The following HLA-B variants were observed in gnomAD, a reference collection of about 807,000 sequenced individuals.
The protein encoded by HLA-B is major histocompatibility complex, class I, B.
In HLA-B, 31 loss-of-function variants were observed where a neutral mutation model predicts 41.5. The ratio of observed to expected loss-of-function variants is 0.75; its 90% CI spans 0.56 to 1.01. HLA-B has a LOEUF of 1.01. Among genes scored for constraint, HLA-B ranks in the 50% least tolerant of loss-of-function variants. The pLI is 0.00. For missense variants in HLA-B, 369 were observed against 457.2 expected, an observed-to-expected ratio of 0.81 and a Z score of 1.76; for synonymous variants, 138 against 189.0, an observed-to-expected ratio of 0.73 and a Z score of 2.21.
At chr6:31,354,817 G>A in intron 5 of HLA-B, 152 bp from the exon 6 acceptor site, 2 of 430,302 alleles carry the variant, frequency 4.6e-6, no homozygotes, top group Non-Finnish European at 3.9e-6. Context: ...AGCAAGTGTG[G>A]GTCCTGGACC....
rs147623692 is a variant in HLA-B at position 31,354,644 on chromosome 6, G to T, written c.1034C>A (p.Ser345Tyr). The change falls in exon 6 of 8, where the codon TCT becomes TAT. Residue 345 changes from serine to tyrosine, a missense_variant. Ser to Tyr is a moderately radical substitution (Grantham distance 144, BLOSUM62 -2). Around this residue, in one of 6 missense-constraint regions of HLA-B, gnomAD observed 115 missense variants for 78.7 expected, o/e 1.46. Transcript: ENST00000412585. Reference sequence around the variant, plus strand: ...CCCCCACCACTTACACGCAGCCTGAGAGTAGCTCCCTCCTTTTCCACCTGT... The same window carrying T: ...CCCCCACCACTTACACGCAGCCTGATAGTAGCTCCCTCCTTTTCCACCTGT... Reference protein sequence around the residue: ...KSSGGKGGSYSQAACSDSAQG... With the variant: ...KSSGGKGGSYYQAACSDSAQG... 35 of 1,408,250 alleles carry T rather than the reference G, an allele frequency of 2.5e-5. No individual in the cohort carries two copies. The African/African-American group carries it at 6.6e-4, about 27-fold the overall frequency. 87.2% of individuals were successfully genotyped at this position (1,408,250 alleles called of 1,614,324 possible).
intron 7 of HLA-B, 39 bp downstream of exon 7, chr6:31,354,440 A>AACCCCCCCCCCCCCCC: frequency 9.7e-6 from 3 of 308,260 alleles, no homozygotes; most frequent in Admixed American, 1.3e-4. Context: ...CCACCCCCAG[A>AACCCCCCCCCCCCCCC]CCCGCCACCC....
rs4081559 is a variant in HLA-B at position 31,355,900 on chromosome 6, C to G, written c.619+267G>C. 49 of 578,304 alleles carry G rather than the reference C, an allele frequency of 8.5e-5. No individual in the cohort carries two copies. In the African/African-American group the frequency reaches 1.0e-3, roughly 12 times the overall value. 35.8% of individuals were successfully genotyped at this position (578,304 alleles called of 1,614,324 possible). ...GAACAAGGCCTGAGAGGAAAAGTCA[C>G]GGTTCCCAAGGCTGCTGCAGGGGTC... On this transcript the variant is annotated intron_variant, in intron 3 of 7. Transcript: ENST00000412585.
chr6:31,356,622 G>A lies in HLA-B; in HGVS notation c.343+66C>T, dbSNP rs41555115. The A allele has an allele frequency of 2.0e-4, 267 of 1,328,898 alleles. 3 individuals are homozygous for A. In the Middle Eastern group the frequency reaches 3.7e-3, roughly 18 times the overall value. The allele number at this position is 1,328,898 out of a possible 1,614,324, so 82.3% of individuals were successfully genotyped here. On this transcript the variant is annotated intron_variant, in intron 2 of 7. Transcript: ENST00000412585. Reference sequence around the variant, plus strand: ...GGCGGATCTCGGACCCGGAGACTCGGGGCGACCCGGGCCGTACGTGGGGGA... The same window carrying A: ...GGCGGATCTCGGACCCGGAGACTCGAGGCGACCCGGGCCGTACGTGGGGGA...
rs1766813040 is a variant in HLA-B at position 31,355,205 on chromosome 6, G to A, written c.914C>T (p.Thr305Ile). Residue 305 changes from threonine to isoleucine, a missense_variant, in exon 5 of 8, where the codon ACC becomes ATC. This residue lies in a region of HLA-B where 115 missense variants were observed against 78.7 expected (regional missense o/e 1.46). Transcript: ENST00000412585. ...AGCAACAATGCCCACGATGGGGACGGTGGACTGGGAAGACGGCTCTGGGAA... is the reference window on the plus strand; with the variant it reads ...AGCAACAATGCCCACGATGGGGACGATGGACTGGGAAGACGGCTCTGGGAA... Reference protein sequence around the residue: ...TLRWEPSSQSTVPIVGIVAGL... With the variant: ...TLRWEPSSQSIVPIVGIVAGL... 1.7e-6 allele frequency: 2 copies of A among 1,171,294 alleles called. No homozygotes were observed. Among genetic ancestry groups the A allele is most frequent in the Non-Finnish European group, 2.2e-6 (2 of 929,954 alleles). The allele number at this position is 1,171,294 out of a possible 1,614,324, so 72.6% of individuals were successfully genotyped here.
In HLA-B at chr6:31,355,386, C is replaced by T. The variant is rs151341358; in HGVS notation, c.826G>A (p.Gly276Arg). The T allele has an allele frequency of 1.3e-6, 2 of 1,587,258 alleles. No homozygotes were observed. Among genetic ancestry groups the T allele is most frequent in the Non-Finnish European group, 1.7e-6 (2 of 1,172,678 alleles). The change falls in exon 4 of 8, where the codon GGA becomes AGA. Residue 276 changes from glycine (G) to arginine (R), a missense_variant. Physicochemically the swap from Gly to Arg is moderately radical, Grantham distance 125 (BLOSUM62 -2). Around this residue, in one of 6 missense-constraint regions of HLA-B, gnomAD observed 23 missense variants for 37.0 expected, o/e 0.62. Coordinates refer to ENST00000412585, the MANE Select transcript of HLA-B (RefSeq NM_005514.8). ...QKWAAVVVPSGEEQRYTCHVQ... is the reference protein window; with the variant it reads ...QKWAAVVVPSREEQRYTCHVQ... ...TGGCATGTGTATCTCTGCTCTTCTC[C>T]AGAAGGCACCACCACAGCTGCCCAC...
At chr6:31,354,392 A>G in intron 7 of HLA-B, 87 bp downstream of exon 7, 1 of 453,662 alleles carries the variant, frequency 2.2e-6, no homozygotes, top group Non-Finnish European at 3.9e-6. Flanking sequence ...TCCCAATCAA[A>G]GAATCCCCAT....
chr6:31,355,769 G>C, intron 3 of HLA-B, 177 bp from the exon 4 acceptor site: 1 of 695,190 alleles, frequency 1.4e-6, no homozygotes, highest in Non-Finnish European at 2.5e-6. Context: ...TGGAAAGTTC[G>C]AGTCTCTGAG....
Position 31,356,305 on chromosome 6 carries a change from C to T in HLA-B, c.481G>A (p.Asp161Asn), listed in dbSNP as rs41543416. 89 of 1,355,272 alleles carry T rather than the reference C, an allele frequency of 6.6e-5. 18 individuals are homozygous for T. Among genetic ancestry groups the T allele is most frequent in the Non-Finnish European group, 8.4e-5 (87 of 1,033,302 alleles). The allele number at this position is 1,355,272 out of a possible 1,614,324, so 84.0% of individuals were successfully genotyped here. A position where few individuals can be genotyped will look rare whatever the true frequency, so the allele number is the denominator to read the frequency against. ...CGCTGGGTGATCTGAGCCGCCGTGT[C>T]CGCGGCGGTCCAGGAGCGCAGGTCC... ...NEDLRSWTAADTAAQITQRKW... is the reference protein window; with the variant it reads ...NEDLRSWTAANTAAQITQRKW... The change falls in exon 3 of 8, where the codon GAC becomes AAC. Residue 161 changes from aspartate to asparagine, a missense_variant. Asp to Asn is a conservative substitution (Grantham distance 23, BLOSUM62 1). Coordinates refer to ENST00000412585, the MANE Select transcript of HLA-B (RefSeq NM_005514.8).
Position 31,356,246 on chromosome 6 carries a change from C to CA in HLA-B, c.539_540insT (p.Arg181GlufsTer27). 1 of 928,486 alleles carries CA rather than the reference C, an allele frequency of 1.1e-6. No individual in the cohort carries two copies. The allele number at this position is 928,486 out of a possible 1,614,324, so 57.5% of individuals were successfully genotyped here. On this transcript the variant is annotated frameshift_variant, in exon 3 of 8. Coordinates refer to ENST00000412585, the MANE Select transcript of HLA-B (RefSeq NM_005514.8). LOFTEE classifies it high-confidence loss of function. Reference sequence around the variant, plus strand: ...CGCACTCGCCCTCCAGGTAGGCTCTCCGCTGCTCCGCCTCACGGGCCGCCT... The same window carrying CA: ...CGCACTCGCCCTCCAGGTAGGCTCTCACGCTGCTCCGCCTCACGGGCCGCCT...
In HLA-B at chr6:31,355,699, A is replaced by G. The variant is rs1766883796; in HGVS notation, c.620-107T>C. The G allele has an allele frequency of 1.0e-5, 10 of 961,978 alleles. 1 individual carries two copies. The Admixed American group carries it at 2.4e-4, about 23-fold the overall frequency. 59.6% of individuals were successfully genotyped at this position (961,978 alleles called of 1,614,324 possible). ...ATGGACAGGACACCTGGGGTGGGGA[A>G]GGGGCACAGAACCCAGACACCAGCC... On this transcript the variant is annotated intron_variant, in intron 3 of 7. Coordinates refer to ENST00000412585, the MANE Select transcript of HLA-B (RefSeq NM_005514.8).
chr6:31,354,424 CCCCACCCACCCCCAGACCCGCCA>C, intron 7 of HLA-B, 32 bp downstream of exon 7: 1 of 323,174 alleles, frequency 3.1e-6, no homozygotes, highest in Non-Finnish European at 5.5e-6. Flanking sequence ...TTCCCCTCTG[CCCCACCCACCCCCAGACCCGCCA>C]CCCCACCCAC....
chr6:31,357,074 A>AC lies in HLA-B; in HGVS notation c.73+11dup, dbSNP rs137854633. On this transcript the variant is annotated intron_variant, in intron 1 of 7. Transcript: ENST00000412585. ...CCCGGCAGAGGCCATTTCCCTCCCG[A>AC]CCCGCACTCACCGGCCCAGGTCTCG... 0.043 allele frequency: 36,800 copies of AC among 859,290 alleles called. 12,342 individuals carry two copies. Among genetic ancestry groups the AC allele is most frequent in the South Asian group, 0.24 (9,195 of 38,510 alleles). 53.2% of individuals were successfully genotyped at this position (859,290 alleles called of 1,614,324 possible).
rs41556319 is a variant in HLA-B at position 31,356,005 on chromosome 6, G to C, written c.619+162C>G. The C allele has an allele frequency of 3.7e-4, 145 of 389,878 alleles. No homozygotes were observed. The Middle Eastern group carries it at 5.5e-3, about 15-fold the overall frequency. The allele number at this position is 389,878 out of a possible 1,614,324, so 24.2% of individuals were successfully genotyped here. On this transcript the variant is annotated intron_variant, in intron 3 of 7. Transcript: ENST00000412585. The stretch of plus-strand genomic sequence containing the variant: ...AGACGTCATTCCTTAATTGTCTAGA[G>C]AGAAGAGGGGGCCCTCAGAGGAAAC...
chr6:31,354,428 ACCCAC>A (rs1289174136), intron 7 of HLA-B, 46 bp downstream of exon 7: 57 of 155,056 alleles, frequency 3.7e-4, no homozygotes, highest in East Asian at 7.1e-4. Context: ...CCTCTGCCCC[ACCCAC>A]CCCCAGACCC....
chr6:31,355,260 G>GCTGAAGGGCTC (rs2113736110), intron 4 of HLA-B, 37 bp from the exon 5 acceptor site: 1 of 1,054,216 alleles, frequency 9.5e-7, no homozygotes, highest in South Asian at 2.1e-5. Flanking sequence ...CCCTGACCCT[G>GCTGAAGGGCTC]CTGAAGGGCT....
At position 31,354,105 on chromosome 6, in the gene HLA-B, G is replaced by A. The variant is rs2769; in HGVS notation, c.*196C>T. 36,315 of 452,790 alleles carry A rather than the reference G, an allele frequency of 0.08. 1,309 individuals are homozygous for A. Among genetic ancestry groups the A allele is most frequent in the Non-Finnish European group, 0.1 (23,803 of 229,984 alleles). The allele number at this position is 452,790 out of a possible 1,614,324, so 28.0% of individuals were successfully genotyped here. On this transcript the variant is annotated 3_prime_UTR_variant, in exon 8 of 8. Coordinates refer to ENST00000412585, the MANE Select transcript of HLA-B (RefSeq NM_005514.8). Reference sequence around the variant, plus strand: ...GAAAGATGACTGGGGAGGAAACACAGGTCAGCATGGGAACAGGGGTCACAG... The same window carrying A: ...GAAAGATGACTGGGGAGGAAACACAAGTCAGCATGGGAACAGGGGTCACAG...
chr6:31,356,161 TG>T lies in HLA-B; in HGVS notation c.619+5del. 1.7e-6 allele frequency: 2 copies of T among 1,188,192 alleles called. No individual in the cohort carries two copies. Among genetic ancestry groups the T allele is most frequent in the Non-Finnish European group, 2.2e-6 (2 of 907,378 alleles). 73.6% of individuals were successfully genotyped at this position (1,188,192 alleles called of 1,614,324 possible). A position where few individuals can be genotyped will look rare whatever the true frequency, so the allele number is the denominator to read the frequency against. On this transcript the variant is annotated splice_donor_5th_base_variant and intron_variant, in intron 3 of 7. Transcript: ENST00000412585. ...GATGGGGAAGGCTCCCCACTGCCCC[TG>T]GTACCAGCGCGCTCCAGCTTGTCCT... is the stretch of plus-strand genomic sequence containing the variant.
intron 4 of HLA-B, 22 bp from the exon 5 acceptor site, chr6:31,355,245 AG>A: frequency 9.9e-7 from 1 of 1,011,166 alleles, no homozygotes. Flanking sequence ...GGGGAAGATG[AG>A]GGGCCCTGAC....
Sources: allele counts gnomAD v4.1 joint callset, GRCh38; gene constraint gnomAD v4.1.1; regional missense constraint gnomAD v4.1.1; transcripts MANE v1.5; gene names NCBI Gene and HGNC (gene_info 2026-07-23, HGNC 2026-07-21).